The following SMARCD1 variants were observed in gnomAD, a reference collection of about 807,000 sequenced individuals.
The protein encoded by SMARCD1 is SWI/SNF related BAF chromatin remodeling complex subunit D1.
In SMARCD1, 16 loss-of-function variants were observed where a neutral mutation model predicts 70.8. The observed-to-expected ratio is 0.23, with a 90% CI of 0.15 to 0.34. SMARCD1 has a LOEUF of 0.34. Among genes scored for constraint, SMARCD1 ranks in the 10% least tolerant of loss-of-function variants. The pLI is 1.00. For synonymous variants in SMARCD1, 249 were observed against 246.0 expected (o/e 1.01, Z -0.11); for missense variants, 409 against 655.5 (o/e 0.62, Z 4.11).
intron 6 of SMARCD1, 23 bp downstream of exon 6, chr12:50,088,660 C>A: frequency 7.8e-7 from 1 of 1,282,354 alleles, no homozygotes; most frequent in Non-Finnish European, 1.1e-6. Flanking sequence ...GCCTTCTAGG[C>A]TTTGACTCTG....
intron 8 of SMARCD1, 41 bp from the exon 9 acceptor site, chr12:50,090,452 T>C (rs760646543): frequency 9.3e-6 from 15 of 1,613,182 alleles, no homozygotes; most frequent in South Asian, 5.5e-5. Flanking sequence ...ACACTAGTTA[T>C]GCTCAAACTG....
chr12:50,093,806 G>A (rs1323281338), intron 9 of SMARCD1, among the ~76,000 whole-genome samples: 2 of 151,770 alleles, frequency 1.3e-5, no homozygotes, highest in Admixed American at 6.6e-5. Flanking sequence ...TTTAGAGATC[G>A]TCTCACTCTG....
At chr12:50,092,731 T>A (rs1356910558) in intron 9 of SMARCD1, among the ~76,000 whole-genome samples, 1 of 152,092 alleles carries the variant, frequency 6.6e-6, no homozygotes, top group Non-Finnish European at 1.5e-5. Flanking sequence ...ATTTTTGGGG[T>A]CAATTTTAGT....
At chr12:50,096,040 G>A (rs1231339451) in intron 10 of SMARCD1, among the ~76,000 whole-genome samples, 1 of 152,206 alleles carries the variant, frequency 6.6e-6, no homozygotes, top group African/African-American at 2.4e-5. Context: ...GGCAGGGCTG[G>A]AGGCAGGAAG....
chr12:50,087,815 C>T (rs1950805140), intron 5 of SMARCD1, among the ~76,000 whole-genome samples: 2 of 151,606 alleles, frequency 1.3e-5, no homozygotes, highest in South Asian at 4.2e-4. Flanking sequence ...TAATTTGAGG[C>T]TGTGTTTCCT....
chr12:50,087,793 C>T (rs1298897915), intron 5 of SMARCD1, among the ~76,000 whole-genome samples: 2 of 150,892 alleles, frequency 1.3e-5, no homozygotes, highest in African/African-American at 4.9e-5. Flanking sequence ...TTTTTTTAAT[C>T]GAGTTTGCAC....
At position 50,085,550 on chromosome 12, in the gene SMARCD1, AG is replaced by A; in HGVS notation, c.177+5del. ...GATGCCCGGAGCGGCCTATCCGGTGAGTGGGGCAGGAGGAGGGGCGCGCGGG... is the reference window on the plus strand; with the variant it reads ...GATGCCCGGAGCGGCCTATCCGGTGATGGGGCAGGAGGAGGGGCGCGCGGG... On this transcript the variant is annotated splice_donor_5th_base_variant and intron_variant, in intron 1 of 12. Coordinates refer to ENST00000394963, the MANE Select transcript of SMARCD1 (RefSeq NM_003076.5). 8.7e-7 allele frequency: 1 copy of A among 1,143,508 alleles called. No homozygotes were observed. 70.8% of individuals were successfully genotyped at this position (1,143,508 alleles called of 1,614,324 possible). A position where few individuals can be genotyped will look rare whatever the true frequency, so the allele number is the denominator to read the frequency against.
rs1020426245 is a variant in SMARCD1, at chr12:50,087,357, C to T, written c.532-6C>T. On this transcript the variant is annotated splice_region_variant and splice_polypyrimidine_tract_variant and intron_variant, in intron 4 of 12. Coordinates refer to ENST00000394963, the MANE Select transcript of SMARCD1 (RefSeq NM_003076.5). ...CCACGATCAATCCTGTTTCTGCCTT[C>T]CTCAGCAAAAACGGAAGCTGCGAAT... 2 of 1,613,446 alleles carry T rather than the reference C, an allele frequency of 1.2e-6. No individual in the cohort carries two copies. Among genetic ancestry groups the T allele is most frequent in the African/African-American group, 1.3e-5 (1 of 74,912 alleles).
chr12:50,088,305 C>T (rs758589184), intron 5 of SMARCD1: 8 of 703,302 alleles, frequency 1.1e-5, no homozygotes, highest in Non-Finnish European at 2.1e-5. Flanking sequence ...AACAGTGACC[C>T]TCTATGTGTT....
In SMARCD1 at chr12:50,090,536, G is replaced by A. The variant is rs150612896; in HGVS notation, c.1079G>A (p.Arg360Gln). 5.0e-6 allele frequency: 8 copies of A among 1,614,028 alleles called. No homozygotes were observed. In the African/African-American group the frequency reaches 6.7e-5, roughly 13 times the overall value. ...QRMKFSEIPQ[R>Q]LHALLMPPEP... is the part of the protein sequence containing the mutation. The stretch of plus-strand genomic sequence containing the variant: ...ATGAAGTTTTCAGAGATCCCTCAGC[G>A]GCTCCATGCCTTGCTTATGCCACCA... Residue 360 changes from arginine (R) to glutamine (Q), a missense_variant, in exon 9 of 13, where the codon CGG becomes CAG. Arg to Gln is a conservative substitution (Grantham distance 43, BLOSUM62 1). This residue lies in a region of SMARCD1 where 269 missense variants were observed against 498.6 expected (regional missense o/e 0.54). Coordinates refer to ENST00000394963, the MANE Select transcript of SMARCD1 (RefSeq NM_003076.5).
intron 9 of SMARCD1, among the ~76,000 whole-genome samples, chr12:50,093,136 A>T (rs1244566621): frequency 1.3e-5 from 2 of 151,798 alleles, no homozygotes; most frequent in Non-Finnish European, 2.9e-5. Context: ...AGACTGCGCC[A>T]CTGCACTCCA....
chr12:50,091,027 T>C (rs1012342912), intron 9 of SMARCD1, among the ~76,000 whole-genome samples: 2 of 151,918 alleles, frequency 1.3e-5, no homozygotes, highest in African/African-American at 2.4e-5. Flanking sequence ...GGTTTCACCA[T>C]GTTAGCCAGG....
intron 11 of SMARCD1, among the ~76,000 whole-genome samples, chr12:50,097,412 C>T (rs1950902012): frequency 6.6e-6 from 1 of 151,492 alleles, no homozygotes; most frequent in Non-Finnish European, 1.5e-5. Context: ...CTTAGCTGGG[C>T]GTGGTGGTGC....
chr12:50,096,873 C>T lies in SMARCD1; in HGVS notation c.1293C>T (p.Ile431=), dbSNP rs1249945955. 1 of 1,612,600 alleles carries T rather than the reference C, an allele frequency of 6.2e-7. No individual in the cohort carries two copies. The highest frequency in any genetic ancestry group is 8.5e-7 in the Non-Finnish European group (1 of 1,178,868). Residue 431 remains isoleucine, a synonymous_variant, in exon 11 of 13, where the codon ATC becomes ATT. Coordinates refer to ENST00000394963, the MANE Select transcript of SMARCD1 (RefSeq NM_003076.5). The part of the protein sequence containing the change: ...DNKIHETIET[I]NQLKTQREFM... The stretch of plus-strand genomic sequence containing the variant: ...AGATCCATGAGACAATAGAAACCAT[C>T]AACCAGCTGAAGACTCAGCGGGAGT...
chr12:50,092,830 A>G (rs182320131), intron 9 of SMARCD1, among the ~76,000 whole-genome samples: 25 of 152,118 alleles, frequency 1.6e-4, no homozygotes, highest in Non-Finnish European at 2.9e-4. Flanking sequence ...TGAGTCCTGG[A>G]GTTCGAGTCC....
chr12:50,099,098 C>T lies in SMARCD1; in HGVS notation c.*98C>T. The T allele has an allele frequency of 9.1e-7, 1 of 1,095,048 alleles. No individual in the cohort carries two copies. The highest frequency in any genetic ancestry group is 1.4e-6 in the Non-Finnish European group (1 of 716,346). 67.8% of individuals were successfully genotyped at this position (1,095,048 alleles called of 1,614,324 possible). On this transcript the variant is annotated 3_prime_UTR_variant, in exon 13 of 13. Coordinates refer to ENST00000394963, the MANE Select transcript of SMARCD1 (RefSeq NM_003076.5). ...CTGCCTTGGTCTTGCTTGGGGCGTT[C>T]CAGGGGATGCTGTTGGTTCAAGGAC...
chr12:50,086,238 T>A lies in SMARCD1; in HGVS notation c.255T>A (p.Pro85=). Reference sequence around the variant, plus strand: ...GACCCCCTGGCTATGGGGGGAACCCTTCAGTCCGACCTGGCCTGGCCCAGT... The same window carrying A: ...GACCCCCTGGCTATGGGGGGAACCCATCAGTCCGACCTGGCCTGGCCCAGT... ...SMGPPGYGGN[P]SVRPGLAQSG... The change falls in exon 2 of 13, where the codon CCT becomes CCA. Residue 85 remains proline (P), a synonymous_variant. Coordinates refer to ENST00000394963, the MANE Select transcript of SMARCD1 (RefSeq NM_003076.5). The A allele has an allele frequency of 6.2e-7, 1 of 1,612,962 alleles. No homozygotes were observed. Among genetic ancestry groups the A allele is most frequent in the South Asian group, 1.1e-5 (1 of 90,980 alleles).
At chr12:50,088,745 G>T (rs1241507345) in intron 6 of SMARCD1, 108 bp downstream of exon 6, 2 of 608,968 alleles carry the variant, frequency 3.3e-6, no homozygotes, top group Non-Finnish European at 5.8e-6. Context: ...GTCACTCTAG[G>T]TGTACACAGT....
intron 1 of SMARCD1, 50 bp from the exon 2 acceptor site, chr12:50,086,111 G>A: frequency 7.5e-7 from 1 of 1,336,752 alleles, no homozygotes; most frequent in Non-Finnish European, 1.0e-6. Flanking sequence ...TTTCTTGATG[G>A]GGTTTAGCAG....
Sources: gnomAD v4.1 joint callset for allele counts (sites outside exome capture counted in the v4.1 genomes callset) on GRCh38, gnomAD v4.1.1 for gene constraint, gnomAD v4.1.1 regional missense constraint, MANE v1.5 for transcripts, NCBI Gene and HGNC (gene_info 2026-07-23, HGNC 2026-07-21) for gene names.